Variants in PDHX observed in about 807,000 individuals in gnomAD.
PDHX encodes pyruvate dehydrogenase protein X component, mitochondrial.
In PDHX, 33 loss-of-function variants were observed where a neutral mutation model predicts 55.3. That is an observed-to-expected ratio of 0.60 (90% CI 0.45 to 0.80). PDHX has a LOEUF of 0.80. Ranked by LOEUF, PDHX falls within the 30% of genes least tolerant of loss-of-function variation. The probability of loss-of-function intolerance (pLI) is 0.00; values close to 1 mark genes in which losing one functional copy is unlikely to be tolerated. For missense variants in PDHX, 622 were observed against 619.9 expected (o/e 1.00, Z -0.04); for synonymous variants, 226 against 219.4 (o/e 1.03, Z -0.27).
chr11:34,915,960 CCT>C (rs1853671183), upstream of PDHX: 1 of 569,092 alleles, frequency 1.8e-6, no homozygotes, highest in African/African-American at 2.0e-5. Flanking sequence ...TAAACGCTCT[CCT>C]CTCTCAGTTA....
At chr11:34,979,438 A>AGG in intron 8 of PDHX, among the ~76,000 whole-genome samples, 1 of 152,188 alleles carries the variant, frequency 6.6e-6, no homozygotes, top group South Asian at 2.1e-4. Context: ...TTCTGTAACG[A>AGG]GGCTATTTTC....
chr11:34,941,718 C>A (rs1468910454), intron 2 of PDHX: 1 of 154,146 alleles, frequency 6.5e-6, no homozygotes, highest in Non-Finnish European at 1.5e-5. Flanking sequence ...TCACCATTAA[C>A]TGTGTTTGAC....
chr11:34,951,773 A>G (rs1281369668), intron 3 of PDHX, among the ~76,000 whole-genome samples: 4 of 152,138 alleles, frequency 2.6e-5, no homozygotes, highest in African/African-American at 7.2e-5. Context: ...GTCCTTGCCC[A>G]TGCCTGTGTC....
At chr11:34,965,928 G>T (rs1855121383) in intron 5 of PDHX, among the ~76,000 whole-genome samples, 1 of 151,864 alleles carries the variant, frequency 6.6e-6, no homozygotes, top group South Asian at 2.1e-4. Flanking sequence ...AAAATATATT[G>T]CCTAATACCA....
At chr11:34,916,045 G>C (rs989876829), upstream of PDHX, 13 of 744,084 alleles carry the variant, frequency 1.7e-5, no homozygotes, top group Non-Finnish European at 2.7e-5. Flanking sequence ...TGATCTCCTG[G>C]GGCCTCGCAG....
rs780685781 is a variant in PDHX, at chr11:34,957,430, T to G, written c.389T>G (p.Leu130Trp). 6 of 1,613,432 alleles carry G rather than the reference T, an allele frequency of 3.7e-6. No individual in the cohort carries two copies. In the Admixed American group the frequency reaches 1.0e-4, roughly 27 times the overall value. Residue 130 changes from leucine to tryptophan, a missense_variant, in exon 4 of 11, where the codon TTG becomes TGG. Coordinates refer to ENST00000227868, the MANE Select transcript of PDHX (RefSeq NM_003477.3). ...ATACGGCTAGGTTCACTAATTGGTT[T>G]GATAGTAGAAGAAGGAGAAGATTGG... ...KNIRLGSLIG[L>W]IVEEGEDWKH...
intron 10 of PDHX, among the ~76,000 whole-genome samples, 171 bp from the exon 11 acceptor site, chr11:34,994,743 T>C (rs754797840): frequency 6.6e-6 from 1 of 152,240 alleles, no homozygotes; most frequent in Non-Finnish European, 1.5e-5. Context: ...ATTTTTCCTG[T>C]GTACACAATT....
intron 7 of PDHX, among the ~76,000 whole-genome samples, chr11:34,970,720 TG>T (rs1855239806): frequency 6.6e-6 from 1 of 152,200 alleles, no homozygotes; most frequent in Non-Finnish European, 1.5e-5. Flanking sequence ...AGTGCCAACA[TG>T]AAGCTCAAAG....
Position 34,995,314 on chromosome 11 carries a change from AG to A in PDHX, c.*145del. 1.1e-6 allele frequency: 1 copy of A among 895,280 alleles called. No homozygotes were observed. The highest frequency in any genetic ancestry group is 1.8e-6 in the Non-Finnish European group (1 of 556,846). 55.5% of individuals were successfully genotyped at this position (895,280 alleles called of 1,614,324 possible). A position where few individuals can be genotyped will look rare whatever the true frequency, so the allele number is the denominator to read the frequency against. Reference sequence around the variant, plus strand: ...TATTTAAGGTGAAAGCATTTGACCCAGGGTGTCTTCATCTTCAATTTGGGTT... The same window carrying A: ...TATTTAAGGTGAAAGCATTTGACCCAGGTGTCTTCATCTTCAATTTGGGTT... On this transcript the variant is annotated 3_prime_UTR_variant, in exon 11 of 11. Transcript: ENST00000227868.
intron 2 of PDHX, among the ~76,000 whole-genome samples, chr11:34,941,421 C>T (rs1056352706): frequency 4.6e-5 from 7 of 152,154 alleles, no homozygotes; most frequent in African/African-American, 1.7e-4. Context: ...TAGTGTCGCA[C>T]ACAGTGTCAT....
intron 6 of PDHX, among the ~76,000 whole-genome samples, chr11:34,967,940 GA>G (rs1855170696): frequency 6.6e-6 from 1 of 152,126 alleles, no homozygotes; most frequent in Non-Finnish European, 1.5e-5. Context: ...TATGGACTAT[GA>G]AATATGTATA....
At chr11:34,966,906 C>A (rs554357748) in intron 6 of PDHX, 92 bp downstream of exon 6, 13 of 1,117,826 alleles carry the variant, frequency 1.2e-5, no homozygotes, top group African/African-American at 1.1e-4. Flanking sequence ...GGCTGGAGTG[C>A]AATGGCACAA....
At chr11:34,939,466 ATGGTG>A (rs1444936972) in intron 2 of PDHX, among the ~76,000 whole-genome samples, 1 of 93,524 alleles carries the variant, frequency 1.1e-5, no homozygotes, top group Non-Finnish European at 2.0e-5. Flanking sequence ...TCTTTTACTA[ATGGTG>A]TGTGTGTGTG....
intron 9 of PDHX, among the ~76,000 whole-genome samples, chr11:34,986,680 C>A (rs1404163661): frequency 6.6e-6 from 1 of 152,138 alleles, no homozygotes; most frequent in East Asian, 1.9e-4. Context: ...CTATTCCTTG[C>A]ATCCTGAAGA....
chr11:34,971,930 G>A (rs2761822), intron 7 of PDHX, among the ~76,000 whole-genome samples: 109,320 of 151,798 alleles, frequency 0.72, 39,472 homozygotes, highest in Middle Eastern at 0.78. Flanking sequence ...TTAAAAATGG[G>A]TGCAGCTTTT....
intron 1 of PDHX, among the ~76,000 whole-genome samples, chr11:34,923,087 A>T (rs945606439): frequency 1.3e-5 from 2 of 152,172 alleles, no homozygotes; most frequent in South Asian, 4.1e-4. Flanking sequence ...TGCATTCTAC[A>T]CCATATGCTA....
intron 1 of PDHX, among the ~76,000 whole-genome samples, chr11:34,925,143 A>G (rs1387494147): frequency 6.6e-6 from 1 of 152,166 alleles, no homozygotes; most frequent in Non-Finnish European, 1.5e-5. Flanking sequence ...TTCTCCACAC[A>G]GTTTTCTGTA....
chr11:34,940,861 C>G (rs1034183176), intron 2 of PDHX, among the ~76,000 whole-genome samples: 2 of 152,164 alleles, frequency 1.3e-5, no homozygotes, highest in African/African-American at 4.8e-5. Context: ...GATTAAGGTT[C>G]ATCCATGTTG....
chr11:34,958,912 C>G (rs560788955), intron 4 of PDHX, among the ~76,000 whole-genome samples: 219 of 152,106 alleles, frequency 1.4e-3, no homozygotes, highest in Middle Eastern at 3.4e-3. Context: ...TGGTTGGTTA[C>G]TAATCCTATA....
Sources: allele counts gnomAD v4.1 joint callset (sites outside exome capture counted in the v4.1 genomes callset), GRCh38; gene constraint gnomAD v4.1.1; transcripts MANE v1.5; gene names NCBI Gene and HGNC (gene_info 2026-07-23, HGNC 2026-07-21).